DSTYK: variants seen among roughly 807,000 people sequenced by gnomAD.
DSTYK encodes RIP-homologous kinase.
In DSTYK, 34 loss-of-function variants were observed where a neutral mutation model predicts 98.7. The observed-to-expected ratio is 0.34, with a 90% CI of 0.26 to 0.46. The LOEUF (loss-of-function observed/expected upper bound fraction) is 0.46. Among genes scored for constraint, DSTYK ranks in the 20% least tolerant of loss-of-function variants. The probability of loss-of-function intolerance (pLI) is 1.00; values close to 1 mark genes in which losing one functional copy is unlikely to be tolerated. For synonymous variants in DSTYK, 462 were observed against 457.3 expected (o/e 1.01, Z -0.13); for missense variants, 962 against 1,181.7 (o/e 0.81, Z 2.73).
At chr1:205,162,481 T>C (rs1352306806) in intron 5 of DSTYK, among the ~76,000 whole-genome samples, 1 of 152,186 alleles carries the variant, frequency 6.6e-6, no homozygotes, top group Non-Finnish European at 1.5e-5. Context: ...CCTGATAATC[T>C]TTCTGAAGTC....
chr1:205,199,744 T>C (rs1299015598), intron 1 of DSTYK, among the ~76,000 whole-genome samples: 1 of 152,130 alleles, frequency 6.6e-6, no homozygotes, highest in Admixed American at 6.5e-5. Flanking sequence ...CCCTGCACCA[T>C]GTAGGAAGCA....
At chr1:205,170,473 T>C (rs1658026405) in intron 2 of DSTYK, among the ~76,000 whole-genome samples, 1 of 152,238 alleles carries the variant, frequency 6.6e-6, no homozygotes. Flanking sequence ...GGACTGGGTC[T>C]ATTTTGCTTA....
intron 3 of DSTYK, among the ~76,000 whole-genome samples, chr1:205,165,376 C>A (rs184224214): frequency 1.3e-5 from 2 of 152,254 alleles, no homozygotes; most frequent in African/African-American, 4.8e-5. Flanking sequence ...CAGGCATGAG[C>A]CATTGCCGCC....
At chr1:205,181,376 CAG>C (rs1658391743) in intron 2 of DSTYK, among the ~76,000 whole-genome samples, 2 of 151,968 alleles carry the variant, frequency 1.3e-5, no homozygotes, top group Non-Finnish European at 2.9e-5. Context: ...TTTTTTGAGA[CAG>C]AGTTTCACTC....
rs576513515 is a variant in DSTYK, at chr1:205,186,054, A to G, written c.654+1364T>C. Among the ~76,000 whole-genome samples, 6 of 152,144 alleles carry G rather than the reference A, an allele frequency of 3.9e-5. No individual in the cohort carries two copies. The East Asian group carries it at 1.2e-3, about 29-fold the overall frequency. ...GAAAAAAAGAAAAGAAAAAAAATAT[A>G]TATATAAGTTTGAAAACCATTGAGC... On this transcript the variant is annotated intron_variant, in intron 2 of 12. Coordinates refer to ENST00000367162, the MANE Select transcript of DSTYK (RefSeq NM_015375.3).
chr1:205,202,527 C>A, intron 1 of DSTYK: 2 of 871,018 alleles, frequency 2.3e-6, no homozygotes, highest in South Asian at 1.3e-5. Flanking sequence ...ATTCTCTGGT[C>A]GTTGGGCATA....
intron 3 of DSTYK, among the ~76,000 whole-genome samples, chr1:205,164,280 A>C (rs1474130267): frequency 6.6e-6 from 1 of 152,066 alleles, no homozygotes; most frequent in Non-Finnish European, 1.5e-5. Context: ...GTGAGACCTC[A>C]TCTCTACAAA....
At chr1:205,178,330 G>T (rs1336835163) in intron 2 of DSTYK, among the ~76,000 whole-genome samples, 1 of 151,828 alleles carries the variant, frequency 6.6e-6, no homozygotes, top group Non-Finnish European at 1.5e-5. Context: ...TATATTGAAT[G>T]GTCTCTATGC....
chr1:205,198,474 A>C (rs1270600911), intron 1 of DSTYK, among the ~76,000 whole-genome samples: 2 of 152,204 alleles, frequency 1.3e-5, no homozygotes, highest in Non-Finnish European at 2.9e-5. Context: ...CTAAAAAATA[A>C]GAATGACTTT....
Position 205,157,341 on chromosome 1 carries a change from C to T in DSTYK, c.2284G>A (p.Val762Met). The T allele has an allele frequency of 1.2e-6, 2 of 1,614,162 alleles. No homozygotes were observed. Among genetic ancestry groups the T allele is most frequent in the Non-Finnish European group, 1.7e-6 (2 of 1,180,020 alleles). The change falls in exon 10 of 13, where the codon GTG becomes ATG. Residue 762 changes from valine to methionine, a missense_variant. Physicochemically the swap from Val to Met is conservative, Grantham distance 21. Around this residue, in one of 4 missense-constraint regions of DSTYK, gnomAD observed 660 missense variants for 855.0 expected, o/e 0.77. Transcript: ENST00000367162. ...ETRLQIALDV[V>M]EGIRFLHSQG... ...CTGTGCAGGAAGCGGATTCCCTCCACCACATCTAGTGCTATCTGCAAACGT... is the reference window on the plus strand; with the variant it reads ...CTGTGCAGGAAGCGGATTCCCTCCATCACATCTAGTGCTATCTGCAAACGT...
intron 2 of DSTYK, among the ~76,000 whole-genome samples, chr1:205,175,249 C>T (rs985675442): frequency 6.6e-6 from 1 of 151,846 alleles, no homozygotes; most frequent in Non-Finnish European, 1.5e-5. Context: ...TACAGGCGCA[C>T]GCCCGGCAAT....
chr1:205,175,173 C>A (rs1658192599), intron 2 of DSTYK, among the ~76,000 whole-genome samples: 1 of 150,484 alleles, frequency 6.6e-6, no homozygotes, highest in Non-Finnish European at 1.5e-5. Context: ...GCAATCTTGG[C>A]TCATGCAAGC....
intron 3 of DSTYK, among the ~76,000 whole-genome samples, chr1:205,168,451 T>A (rs1290444310): frequency 6.6e-6 from 1 of 152,194 alleles, no homozygotes; most frequent in Non-Finnish European, 1.5e-5. Flanking sequence ...AAATCGTGAG[T>A]AAGTCTGCAG....
intron 9 of DSTYK, 33 bp from the exon 10 acceptor site, chr1:205,157,419 T>A: frequency 6.4e-7 from 1 of 1,558,238 alleles, no homozygotes. Flanking sequence ...CTTGTCATGA[T>A]AAGGCAACTC....
chr1:205,205,360 TC>T (rs1659167722), intron 1 of DSTYK, among the ~76,000 whole-genome samples: 1 of 152,048 alleles, frequency 6.6e-6, no homozygotes, highest in Admixed American at 6.6e-5. Context: ...TTTCATCCCT[TC>T]CCCAAATGTC....
chr1:205,160,150 T>C lies in DSTYK; in HGVS notation c.2069A>G (p.His690Arg), dbSNP rs776078988. 7 of 1,614,018 alleles carry C rather than the reference T, an allele frequency of 4.3e-6. No individual in the cohort carries two copies. The African/African-American group carries it at 9.3e-5, about 22-fold the overall frequency. ...LKSVVPPDEK[H>R]WNDLALEFHY... ...AAATTCCAAAGCCAGATCATTCCAGTGCTTCTCATCTGGAGGGACAACTGA... is the reference window on the plus strand; with the variant it reads ...AAATTCCAAAGCCAGATCATTCCAGCGCTTCTCATCTGGAGGGACAACTGA... The change falls in exon 8 of 13, where the codon CAC becomes CGC. Residue 690 changes from histidine (H) to arginine (R), a missense_variant. Transcript: ENST00000367162.
At chr1:205,158,207 T>C (rs1472335002) in intron 9 of DSTYK, among the ~76,000 whole-genome samples, 2 of 152,214 alleles carry the variant, frequency 1.3e-5, no homozygotes, top group Non-Finnish European at 2.9e-5. Context: ...GCTTAACTCC[T>C]CTGAAATGAA....
intron 2 of DSTYK, among the ~76,000 whole-genome samples, chr1:205,171,959 A>T (rs902362435): frequency 4.3e-5 from 2 of 46,674 alleles, no homozygotes; most frequent in African/African-American, 6.9e-5. Flanking sequence ...CAGCAGGTTT[A>T]TTGATTGATT....
chr1:205,194,203 T>C (rs1392710683), intron 1 of DSTYK, among the ~76,000 whole-genome samples: 1 of 152,228 alleles, frequency 6.6e-6, no homozygotes, highest in Admixed American at 6.5e-5. Context: ...TCACATAAAT[T>C]TGTTATGCTT....
Sources: gnomAD v4.1 joint callset for allele counts (sites outside exome capture counted in the v4.1 genomes callset) on GRCh38, gnomAD v4.1.1 for gene constraint, gnomAD v4.1.1 regional missense constraint, MANE v1.5 for transcripts, NCBI Gene and HGNC (gene_info 2026-07-23, HGNC 2026-07-21) for gene names.